CDH12: variants seen among roughly 807,000 people sequenced by gnomAD.
CDH12 encodes the protein cadherin 12.
Under a neutral mutation model 74.1 loss-of-function variants are expected in CDH12, and 41 were observed. The observed-to-expected ratio is 0.55, with a 90% CI of 0.43 to 0.72. CDH12 has a LOEUF of 0.72. Among genes scored for constraint, CDH12 ranks in the 30% least tolerant of loss-of-function variants. The pLI, the probability that CDH12 is intolerant of heterozygous loss-of-function variation, is 0.00. For synonymous variants in CDH12, 399 were observed against 355.0 expected (o/e 1.12, Z -1.39); for missense variants, 945 against 977.2 (o/e 0.97, Z 0.44).
At chr5:22,587,674 T>C (rs1433015944) in intron 1 of CDH12, among the ~76,000 whole-genome samples, 1 of 152,138 alleles carries the variant, frequency 6.6e-6, no homozygotes, top group Non-Finnish European at 1.5e-5. Context: ...CATACCTTTA[T>C]AACAACTAAC....
At chr5:22,000,310 C>T (rs1253470073) in intron 5 of CDH12, among the ~76,000 whole-genome samples, 1 of 152,028 alleles carries the variant, frequency 6.6e-6, no homozygotes, top group African/African-American at 2.4e-5. Context: ...TTGTTTTTAT[C>T]TTTGACAGCC....
At chr5:22,461,969 C>T (rs1233855668) in intron 2 of CDH12, among the ~76,000 whole-genome samples, 1 of 152,000 alleles carries the variant, frequency 6.6e-6, no homozygotes, top group Non-Finnish European at 1.5e-5. Flanking sequence ...GTACAAATTA[C>T]CTCATATTAT....
At chr5:22,600,250 A>G (rs146160256) in intron 1 of CDH12, among the ~76,000 whole-genome samples, 52 of 152,268 alleles carry the variant, frequency 3.4e-4, no homozygotes, top group African/African-American at 1.2e-3. Context: ...ACACAATGCT[A>G]TTCGTGTCTC....
intron 1 of CDH12, among the ~76,000 whole-genome samples, chr5:22,744,578 T>G (rs912786584): frequency 1.3e-5 from 2 of 152,216 alleles, no homozygotes; most frequent in Admixed American, 1.3e-4. Context: ...TTAGAGCTTT[T>G]TTATAATAAA....
intron 1 of CDH12, among the ~76,000 whole-genome samples, chr5:22,764,195 T>C (rs1746381212): frequency 6.6e-6 from 1 of 151,912 alleles, no homozygotes; most frequent in Non-Finnish European, 1.5e-5. Context: ...CCTCAGGTTT[T>C]TGCACTTATT....
rs368768918 is a variant in CDH12, at chr5:22,591,339, CTTGGA to C, written c.-522-85980_-522-85976del. On this transcript the variant is annotated intron_variant, in intron 1 of 14. Coordinates refer to ENST00000382254, the MANE Select transcript of CDH12 (RefSeq NM_004061.5). ...TAAGCCTAGCTATAAAAATAACTTG[CTTGGA>C]TTGATCAATGAAACAATGACCTGAA... Among the ~76,000 whole-genome samples, 762 of 152,094 alleles carry C rather than the reference CTTGGA, an allele frequency of 5.0e-3. 4 individuals are homozygous for C. The highest frequency in any genetic ancestry group is 0.018 in the African/African-American group (727 of 41,496).
chr5:22,662,650 T>G (rs1740410808), intron 1 of CDH12, among the ~76,000 whole-genome samples: 1 of 152,248 alleles, frequency 6.6e-6, no homozygotes. Flanking sequence ...AATAGATTAC[T>G]TGAATGCTGT....
chr5:22,242,028 T>A (rs1293632224), intron 3 of CDH12, among the ~76,000 whole-genome samples: 1 of 152,096 alleles, frequency 6.6e-6, no homozygotes, highest in Non-Finnish European at 1.5e-5. Flanking sequence ...CTTTATTTGT[T>A]AAAACAATTA....
intron 7 of CDH12, among the ~76,000 whole-genome samples, chr5:21,852,394 C>T (rs1360754517): frequency 2.0e-5 from 3 of 151,202 alleles, no homozygotes; most frequent in Admixed American, 6.6e-5. Context: ...TACATATTCA[C>T]GTACTGTATG....
chr5:22,226,901 A>G (rs777058331), intron 3 of CDH12, among the ~76,000 whole-genome samples: 25 of 151,990 alleles, frequency 1.6e-4, no homozygotes, highest in Non-Finnish European at 3.2e-4. Flanking sequence ...CTCTTTCTTC[A>G]CTTTTTGTTA....
intron 7 of CDH12, among the ~76,000 whole-genome samples, chr5:21,851,247 T>G (rs972785650): frequency 6.6e-6 from 1 of 151,162 alleles, no homozygotes; most frequent in Non-Finnish European, 1.5e-5. Flanking sequence ...TTTAAATACA[T>G]TAACAGAATT....
intron 4 of CDH12, among the ~76,000 whole-genome samples, chr5:22,211,328 T>C (rs1751523229): frequency 6.6e-6 from 1 of 152,334 alleles, no homozygotes; most frequent in African/African-American, 2.4e-5. Flanking sequence ...TCAACCTGTT[T>C]CAGTATTATA....
intron 5 of CDH12, among the ~76,000 whole-genome samples, chr5:22,005,240 G>A (rs1303265064): frequency 6.6e-6 from 1 of 151,942 alleles, no homozygotes. Context: ...TCAAGGTTTC[G>A]CCATGTTGGC....
At chr5:22,322,109 T>G (rs2150437872) in intron 3 of CDH12, among the ~76,000 whole-genome samples, 1 of 152,318 alleles carries the variant, frequency 6.6e-6, no homozygotes, top group South Asian at 2.1e-4. Flanking sequence ...CACTGAAGCT[T>G]CCTGTGTAGG....
At chr5:22,288,336 C>T (rs1401508843) in intron 3 of CDH12, among the ~76,000 whole-genome samples, 2 of 152,150 alleles carry the variant, frequency 1.3e-5, no homozygotes, top group East Asian at 3.9e-4. Flanking sequence ...TATGAATGTA[C>T]ATCTAAAACA....
intron 1 of CDH12, among the ~76,000 whole-genome samples, chr5:22,578,879 A>G (rs1739935283): frequency 6.6e-6 from 1 of 152,128 alleles, no homozygotes. Context: ...TTAGGTTCAG[A>G]GTTCAATTAG....
At chr5:22,351,213 A>G (rs1740342666) in intron 3 of CDH12, among the ~76,000 whole-genome samples, 1 of 152,204 alleles carries the variant, frequency 6.6e-6, no homozygotes, top group Admixed American at 6.5e-5. Flanking sequence ...ATACAGAATA[A>G]TAATAATGAT....
At chr5:22,056,754 C>A (rs1226820845) in intron 5 of CDH12, among the ~76,000 whole-genome samples, 1 of 152,240 alleles carries the variant, frequency 6.6e-6, no homozygotes, top group East Asian at 1.9e-4. Context: ...CATATATTAT[C>A]CCACATGTGG....
intron 3 of CDH12, among the ~76,000 whole-genome samples, chr5:22,244,790 AAGAAAGAAAG>A (rs1490712845): frequency 1.5e-4 from 16 of 104,910 alleles, no homozygotes; most frequent in Non-Finnish European, 3.5e-4. Context: ...GAAAGAAAGA[AAGAAAGAAAG>A]AAAAATTCAA....
Sources: gnomAD v4.1 joint callset for allele counts (sites outside exome capture counted in the v4.1 genomes callset) on GRCh38, gnomAD v4.1.1 for gene constraint, MANE v1.5 for transcripts, NCBI Gene and HGNC (gene_info 2026-07-23, HGNC 2026-07-21) for gene names.